Variants in GPC6 observed in about 807,000 individuals in gnomAD.
GPC6 encodes the protein glypican-6.
A neutral mutation model predicts 55.2 loss-of-function variants in GPC6; 14 were observed. That is an observed-to-expected ratio of 0.25 (90% CI 0.17 to 0.40). The LOEUF is 0.40. Among genes scored for constraint, GPC6 ranks in the 10% least tolerant of loss-of-function variants. The pLI is 1.00. For synonymous variants in GPC6, 278 were observed against 259.6 expected (o/e 1.07, Z -0.68); for missense variants, 641 against 708.5 (o/e 0.90, Z 1.08).
At chr13:93,655,138 C>A (rs574738740) in intron 2 of GPC6, among the ~76,000 whole-genome samples, 1 of 151,780 alleles carries the variant, frequency 6.6e-6, no homozygotes, top group African/African-American at 2.4e-5. Context: ...CGTGAGCCAC[C>A]GCGCCCGGCC....
intron 4 of GPC6, among the ~76,000 whole-genome samples, chr13:94,249,540 ATTT>A (rs1348113338): frequency 1.3e-5 from 2 of 152,162 alleles, no homozygotes; most frequent in African/African-American, 4.8e-5. Flanking sequence ...TAGATTAATC[ATTT>A]CATCTAACCA....
chr13:94,188,746 G>A (rs576315880), intron 4 of GPC6, among the ~76,000 whole-genome samples: 1 of 152,124 alleles, frequency 6.6e-6, no homozygotes, highest in East Asian at 1.9e-4. Context: ...ATCTGGAGAG[G>A]CACTTGCACC....
chr13:93,524,279 C>CA (rs1190426214), intron 1 of GPC6, among the ~76,000 whole-genome samples: 14 of 152,110 alleles, frequency 9.2e-5, no homozygotes, highest in Admixed American at 2.0e-4. Flanking sequence ...TCACTAGAAA[C>CA]AGGCATGCAA....
chr13:93,383,748 T>C (rs1875281765), intron 1 of GPC6, among the ~76,000 whole-genome samples: 1 of 151,874 alleles, frequency 6.6e-6, no homozygotes. Flanking sequence ...TTTTTTTTAA[T>C]AGGGAGACTG....
chr13:94,009,739 C>T (rs1051322770), intron 3 of GPC6, among the ~76,000 whole-genome samples: 1 of 152,068 alleles, frequency 6.6e-6, no homozygotes, highest in Non-Finnish European at 1.5e-5. Flanking sequence ...TGAGGTCTAC[C>T]ACCTGTGGGC....
intron 2 of GPC6, among the ~76,000 whole-genome samples, chr13:93,577,088 A>G (rs1822870): frequency 0.91 from 137,767 of 152,150 alleles, 62,577 homozygotes; most frequent in African/African-American, 0.97. Flanking sequence ...GAGTCCATTG[A>G]GTATGAGTGT....
intron 4 of GPC6, among the ~76,000 whole-genome samples, chr13:94,261,009 C>T (rs1891640523): frequency 6.6e-6 from 1 of 152,168 alleles, no homozygotes; most frequent in Admixed American, 6.5e-5. Context: ...CACAGTGGCT[C>T]ATGTCTGTAA....
chr13:93,758,781 A>G (rs1170930656), intron 2 of GPC6, among the ~76,000 whole-genome samples: 1 of 152,040 alleles, frequency 6.6e-6, no homozygotes, highest in Non-Finnish European at 1.5e-5. Context: ...CTGCAGTGCT[A>G]ATGTTGACTT....
At chr13:93,670,540 T>G (rs1295127602) in intron 2 of GPC6, among the ~76,000 whole-genome samples, 1 of 152,170 alleles carries the variant, frequency 6.6e-6, no homozygotes, top group Non-Finnish European at 1.5e-5. Flanking sequence ...TCATATAATG[T>G]GTGGGAATGA....
chr13:93,342,402 A>G (rs985552590), intron 1 of GPC6, among the ~76,000 whole-genome samples: 6 of 152,190 alleles, frequency 3.9e-5, no homozygotes, highest in Non-Finnish European at 2.9e-5. Flanking sequence ...CATGTCTTAC[A>G]TGGCGGCAGG....
chr13:93,307,583 A>G (rs530966450), intron 1 of GPC6, among the ~76,000 whole-genome samples: 1 of 152,298 alleles, frequency 6.6e-6, no homozygotes, highest in Non-Finnish European at 1.5e-5. Context: ...GGCTCTTTCT[A>G]TTAACACCAT....
At chr13:94,117,965 T>A (rs942150134) in intron 4 of GPC6, among the ~76,000 whole-genome samples, 1 of 152,142 alleles carries the variant, frequency 6.6e-6, no homozygotes. Context: ...AAGGTTGTAA[T>A]GTTTGAGATA....
At chr13:93,613,212 T>C (rs548965642) in intron 2 of GPC6, among the ~76,000 whole-genome samples, 2 of 152,278 alleles carry the variant, frequency 1.3e-5, no homozygotes, top group Admixed American at 1.3e-4. Context: ...GCCACTAGTC[T>C]CTGGCTCAAG....
chr13:93,401,291 C>G (rs1319335555), intron 1 of GPC6, among the ~76,000 whole-genome samples: 1 of 151,670 alleles, frequency 6.6e-6, no homozygotes, highest in Non-Finnish European at 1.5e-5. Context: ...CCAGTGGGAC[C>G]AGACCACAGT....
chr13:93,920,370 A>T (rs540690001), intron 3 of GPC6, among the ~76,000 whole-genome samples: 7 of 152,066 alleles, frequency 4.6e-5, no homozygotes, highest in African/African-American at 1.7e-4. Flanking sequence ...TCATCACCAT[A>T]TAAATGACTC....
At chr13:94,374,937 T>C (rs1879769279) in intron 6 of GPC6, among the ~76,000 whole-genome samples, 1 of 142,786 alleles carries the variant, frequency 7.0e-6, no homozygotes, top group African/African-American at 2.7e-5. Flanking sequence ...ACATGGAAAC[T>C]GAACAACCTG....
chr13:93,511,999 C>T (rs1900049), intron 1 of GPC6, among the ~76,000 whole-genome samples: 126,459 of 151,650 alleles, frequency 0.83, 53,789 homozygotes, highest in Non-Finnish European at 0.92. Flanking sequence ...TAGTGGTGTA[C>T]AGAAATGCTA....
At chr13:93,841,381 C>A (rs1249976489) in intron 3 of GPC6, among the ~76,000 whole-genome samples, 4 of 152,098 alleles carry the variant, frequency 2.6e-5, no homozygotes, top group Non-Finnish European at 4.4e-5. Flanking sequence ...TTGTAGATTT[C>A]CTCCATTGTT....
chr13:93,921,370 T>G (rs929819516), intron 3 of GPC6, among the ~76,000 whole-genome samples: 1 of 152,140 alleles, frequency 6.6e-6, no homozygotes, highest in Non-Finnish European at 1.5e-5. Context: ...GTTAACCAGC[T>G]CAGTGCCCTC....
Sources: gnomAD v4.1 joint callset for allele counts (sites outside exome capture counted in the v4.1 genomes callset) on GRCh38, gnomAD v4.1.1 for gene constraint, MANE v1.5 for transcripts, NCBI Gene and HGNC (gene_info 2026-07-23, HGNC 2026-07-21) for gene names.